Variants in AP5M1 observed in about 807,000 individuals in gnomAD.
The protein encoded by AP5M1 is AP-5 complex subunit mu-1.
A neutral mutation model predicts 52.3 loss-of-function variants in AP5M1; 44 were observed. The ratio of observed to expected loss-of-function variants is 0.84; its 90% CI spans 0.66 to 1.08. The LOEUF is 1.08. Ranked by LOEUF, AP5M1 falls within the 50% of genes least tolerant of loss-of-function variation. AP5M1 has a pLI of 0.00. For synonymous variants in AP5M1, 213 were observed against 199.0 expected, an observed-to-expected ratio of 1.07 and a Z score of -0.59; for missense variants, 526 against 568.4, an observed-to-expected ratio of 0.93 and a Z score of 0.76.
intron 2 of AP5M1, 73 bp downstream of exon 2, chr14:57,274,962 A>C: frequency 2.0e-6 from 3 of 1,523,746 alleles, no homozygotes; most frequent in Non-Finnish European, 2.7e-6. Flanking sequence ...TGCTAGTTGT[A>C]TTTTAAATAA....
intron 6 of AP5M1, among the ~76,000 whole-genome samples, chr14:57,283,765 C>T (rs773327410): frequency 2.6e-5 from 4 of 152,140 alleles, no homozygotes; most frequent in Non-Finnish European, 4.4e-5. Context: ...GCAGGTGGAT[C>T]GCTTAATCCC....
Position 57,277,351 on chromosome 14 carries a change from C to T in AP5M1, c.720+2462C>T, listed in dbSNP as rs558505900. Reference sequence around the variant, plus strand: ...TTACGAATGTTAAGAGATTAATTTGCTAAGTATAAACTGAATATTATTAAA... The same window carrying T: ...TTACGAATGTTAAGAGATTAATTTGTTAAGTATAAACTGAATATTATTAAA... On this transcript the variant is annotated intron_variant, in intron 2 of 7. Transcript: ENST00000261558. Among the ~76,000 whole-genome samples, 13 of 152,114 alleles carry T rather than the reference C, an allele frequency of 8.5e-5. No homozygotes were observed. In the South Asian group the frequency reaches 1.2e-3, roughly 15 times the overall value.
At chr14:57,283,680 C>G (rs750782497) in intron 6 of AP5M1, among the ~76,000 whole-genome samples, 3 of 152,150 alleles carry the variant, frequency 2.0e-5, no homozygotes, top group Non-Finnish European at 2.9e-5. Context: ...CTACTCAGCT[C>G]TTGGTTATCA....
In AP5M1 at chr14:57,297,872, A is replaced by G. The variant is rs1885584321; in HGVS notation, c.*8988A>G. On this transcript the variant is annotated 3_prime_UTR_variant, in exon 8 of 8. Transcript: ENST00000261558. The stretch of plus-strand genomic sequence containing the variant: ...TAATTAGGGTTTTGCATGTGTATAT[A>G]GAAAGGCTATTTTGCAAACAGTGGT... The G allele has an allele frequency of 6.6e-6, 1 of 152,192 alleles. No homozygotes were observed. Among genetic ancestry groups the G allele is most frequent in the Non-Finnish European group, 1.5e-5 (1 of 68,038 alleles). The allele number at this position is 152,192 out of a possible 1,614,324, so 9.4% of individuals were successfully genotyped here.
At chr14:57,269,875 C>A (rs1181787134) in intron 1 of AP5M1, among the ~76,000 whole-genome samples, 1 of 152,328 alleles carries the variant, frequency 6.6e-6, no homozygotes, top group East Asian at 1.9e-4. Context: ...GTGGTGCGAT[C>A]TCCGCTCACT....
rs148346858 is a variant in AP5M1, at chr14:57,274,373, C to T, written c.204C>T (p.Phe68=). 16 of 1,613,948 alleles carry T rather than the reference C, an allele frequency of 9.9e-6. No homozygotes were observed. Among genetic ancestry groups the T allele is most frequent in the Non-Finnish European group, 1.3e-5 (15 of 1,180,016 alleles). Residue 68 remains phenylalanine, a synonymous_variant, in exon 2 of 8, where the codon TTC becomes TTT. Transcript: ENST00000261558. ...GATTATTGGATGATGATAAAGACTTCGTTGAGAGTCGTGATAGCTGTTCAC... is the reference window on the plus strand; with the variant it reads ...GATTATTGGATGATGATAAAGACTTTGTTGAGAGTCGTGATAGCTGTTCAC... ...ELRLLDDDKD[F]VESRDSCSRI... is the part of the protein sequence containing the mutation.
rs1458531477 is a variant in AP5M1 at position 57,269,049 on chromosome 14, T to C, written c.-266T>C. Reference sequence around the variant, plus strand: ...GGAAGTAGAATTTAGAGGAAGAAAATACCGGAGTTGCAGGGTATAGGTAAA... The same window carrying C: ...GGAAGTAGAATTTAGAGGAAGAAAACACCGGAGTTGCAGGGTATAGGTAAA... On this transcript the variant is annotated 5_prime_UTR_variant, in exon 1 of 8. Transcript: ENST00000261558. 14 of 552,834 alleles carry C rather than the reference T, an allele frequency of 2.5e-5. No homozygotes were observed. In the Admixed American group the frequency reaches 5.1e-4, roughly 20 times the overall value. 34.2% of individuals were successfully genotyped at this position (552,834 alleles called of 1,614,324 possible).
At position 57,269,187 on chromosome 14, in the gene AP5M1, G is replaced by C; in HGVS notation, c.-128G>C. ...AAAAAAGCTAACCTCTCTGCTGAGC[G>C]CGACCGGTATGCGGCGCAGGATGAG... On this transcript the variant is annotated 5_prime_UTR_variant, in exon 1 of 8. Coordinates refer to ENST00000261558, the MANE Select transcript of AP5M1 (RefSeq NM_018229.4). 1 of 859,180 alleles carries C rather than the reference G, an allele frequency of 1.2e-6. No homozygotes were observed. Among genetic ancestry groups the C allele is most frequent in the Admixed American group, 2.4e-5 (1 of 41,396 alleles). 53.2% of individuals were successfully genotyped at this position (859,180 alleles called of 1,614,324 possible).
intron 2 of AP5M1, among the ~76,000 whole-genome samples, chr14:57,276,112 T>G (rs563313563): frequency 1.1e-4 from 17 of 152,210 alleles, no homozygotes; most frequent in Non-Finnish European, 1.6e-4. Flanking sequence ...TAAAAGTTTT[T>G]GTGTCTATTT....
rs534133793 is a variant in AP5M1, at chr14:57,283,216, A to G, written c.1279A>G (p.Thr427Ala). 1.2e-6 allele frequency: 2 copies of G among 1,606,994 alleles called. No homozygotes were observed. Among genetic ancestry groups the G allele is most frequent in the African/African-American group, 2.7e-5 (2 of 74,806 alleles). ...ATTTGACCCAATTTGTACTGGAGAA[A>G]CAGCATATTTAAAGGTAAACATATT... ...QPFDPICTGE[T>A]AYLKLHFRIL... Residue 427 changes from threonine to alanine, a missense_variant, in exon 6 of 8, where the codon ACA (threonine) becomes GCA (alanine). By Grantham distance (58) the Thr-to-Ala change is moderately conservative. Transcript: ENST00000261558.
intron 7 of AP5M1, among the ~76,000 whole-genome samples, chr14:57,287,078 ATT>A (rs1191404303): frequency 1.3e-5 from 2 of 152,082 alleles, no homozygotes; most frequent in African/African-American, 2.4e-5. Context: ...AATCAAAAGT[ATT>A]TAATTCAGAT....
rs918470447 is a variant in AP5M1, at chr14:57,289,201, A to C, written c.*317A>C. 3 of 182,288 alleles carry C rather than the reference A, an allele frequency of 1.6e-5. No individual in the cohort carries two copies. Among genetic ancestry groups the C allele is most frequent in the African/African-American group, 7.2e-5 (3 of 41,922 alleles). 11.3% of individuals were successfully genotyped at this position (182,288 alleles called of 1,614,324 possible). On this transcript the variant is annotated 3_prime_UTR_variant, in exon 8 of 8. Coordinates refer to ENST00000261558, the MANE Select transcript of AP5M1 (RefSeq NM_018229.4). Reference sequence around the variant, plus strand: ...TTGTTTCCTAGTGTTTCTGTGGCAGACATTGCTAATCAATTACAGCCCTTT... The same window carrying C: ...TTGTTTCCTAGTGTTTCTGTGGCAGCCATTGCTAATCAATTACAGCCCTTT...
chr14:57,287,477 A>G (rs1490751317), intron 7 of AP5M1, among the ~76,000 whole-genome samples: 1 of 152,090 alleles, frequency 6.6e-6, no homozygotes, highest in East Asian at 1.9e-4. Flanking sequence ...TGTTGTATAT[A>G]TGAGAGACTG....
At chr14:57,286,075 A>G (rs1055843522) in intron 6 of AP5M1, 148 bp from the exon 7 acceptor site, 13 of 609,736 alleles carry the variant, frequency 2.1e-5, no homozygotes, top group South Asian at 7.9e-5. Flanking sequence ...ATGTGTGCGC[A>G]CACACACAAT....
chr14:57,272,262 T>G (rs1389814763), intron 1 of AP5M1, among the ~76,000 whole-genome samples: 1 of 152,200 alleles, frequency 6.6e-6, no homozygotes, highest in African/African-American at 2.4e-5. Flanking sequence ...TATTTTCAGT[T>G]TTCTAACCTC....
chr14:57,270,211 A>G (rs1884852598), intron 1 of AP5M1, among the ~76,000 whole-genome samples: 2 of 152,186 alleles, frequency 1.3e-5, no homozygotes, highest in Non-Finnish European at 2.9e-5. Flanking sequence ...TGTATTCACT[A>G]TTTCATATAT....
At position 57,269,086 on chromosome 14, in the gene AP5M1, T is replaced by C. The variant is rs1488558852; in HGVS notation, c.-229T>C. The C allele has an allele frequency of 3.5e-6, 2 of 578,202 alleles. No homozygotes were observed. The highest frequency in any genetic ancestry group is 3.8e-5 in the African/African-American group (2 of 53,300). 35.8% of individuals were successfully genotyped at this position (578,202 alleles called of 1,614,324 possible). ...AGGGTATAGGTAAATTTCTCAAGGT[T>C]ATAGGTTGGGGTTCTTAGAACTTTT... On this transcript the variant is annotated 5_prime_UTR_variant, in exon 1 of 8. Coordinates refer to ENST00000261558, the MANE Select transcript of AP5M1 (RefSeq NM_018229.4).
chr14:57,293,402 CT>C lies in AP5M1; in HGVS notation c.*4523del, dbSNP rs1885481221. 1 of 151,638 alleles carries C rather than the reference CT, an allele frequency of 6.6e-6. No individual in the cohort carries two copies. The highest frequency in any genetic ancestry group is 2.1e-4 in the South Asian group (1 of 4,832). 9.4% of individuals were successfully genotyped at this position (151,638 alleles called of 1,614,324 possible). On this transcript the variant is annotated 3_prime_UTR_variant, in exon 8 of 8. Coordinates refer to ENST00000261558, the MANE Select transcript of AP5M1 (RefSeq NM_018229.4). ...ATTATTATACTTTTTTTGGCTCAGA[CT>C]TTTTGTGATCTAATTTATAAATTGA...
chr14:57,294,734 G>A lies in AP5M1; in HGVS notation c.*5850G>A, dbSNP rs1427082314. ...TCACAGAAAGGAGATTGGGAAAATA[G>A]CTATTTTGAAAGTTATTGCAGATGT... On this transcript the variant is annotated 3_prime_UTR_variant, in exon 8 of 8. Coordinates refer to ENST00000261558, the MANE Select transcript of AP5M1 (RefSeq NM_018229.4). 1 of 151,816 alleles carries A rather than the reference G, an allele frequency of 6.6e-6. No individual in the cohort carries two copies. Among genetic ancestry groups the A allele is most frequent in the Admixed American group, 6.6e-5 (1 of 15,214 alleles). 9.4% of individuals were successfully genotyped at this position (151,816 alleles called of 1,614,324 possible). A position where few individuals can be genotyped will look rare whatever the true frequency, so the allele number is the denominator to read the frequency against.
Sources: allele counts gnomAD v4.1 joint callset (sites outside exome capture counted in the v4.1 genomes callset), GRCh38; gene constraint gnomAD v4.1.1; transcripts MANE v1.5; gene names NCBI Gene and HGNC (gene_info 2026-07-23, HGNC 2026-07-21).